GCN1: variants seen among roughly 807,000 people sequenced by gnomAD.
GCN1 encodes stalled ribosome sensor GCN1.
A neutral mutation model predicts 288.4 loss-of-function variants in GCN1; 90 were observed. The observed-to-expected ratio is 0.31, with a 90% CI of 0.26 to 0.37. GCN1 has a LOEUF of 0.37. Ranked by LOEUF, GCN1 falls within the 10% of genes least tolerant of loss-of-function variation. GCN1 has a pLI of 1.00. For missense variants in GCN1, 2,586 were observed against 3,419.9 expected (o/e 0.76, Z 6.08); for synonymous variants, 1,386 against 1,420.2 (o/e 0.98, Z 0.54).
intron 2 of GCN1, among the ~76,000 whole-genome samples, chr12:120,187,887 G>GAAAAAA (rs537567748): frequency 1.0e-5 from 1 of 99,612 alleles, no homozygotes; most frequent in African/African-American, 3.8e-5. Context: ...CAAAAGAAAT[G>GAAAAAA]AAAAAAAAAA....
In GCN1 at chr12:120,151,129, G is replaced by A. The variant is rs1161193929; in HGVS notation, c.4309+16C>T. 3 of 1,610,376 alleles carry A rather than the reference G, an allele frequency of 1.9e-6. No individual in the cohort carries two copies. Among genetic ancestry groups the A allele is most frequent in the Non-Finnish European group, 1.7e-6 (2 of 1,179,114 alleles). On this transcript the variant is annotated intron_variant, in intron 34 of 57. Coordinates refer to ENST00000300648, the MANE Select transcript of GCN1 (RefSeq NM_006836.2). The stretch of plus-strand genomic sequence containing the variant: ...AACTTCCCATGCTGGGCAGCCCCAA[G>A]CTCAGAGATGCTCACCCTCTCGCCG...
At chr12:120,141,113 C>T (rs1877177195) in intron 44 of GCN1, 90 bp from the exon 45 acceptor site, 2 of 1,087,036 alleles carry the variant, frequency 1.8e-6, no homozygotes, top group African/African-American at 1.6e-5. Flanking sequence ...CTGAAACCTC[C>T]CAGGCTTTAT....
At position 120,156,094 on chromosome 12, in the gene GCN1, C is replaced by G. The variant is rs186791449; in HGVS notation, c.3312+367G>C. Among the ~76,000 whole-genome samples the G allele has an allele frequency of 2.9e-4, 44 of 152,330 alleles. No homozygotes were observed. Among genetic ancestry groups the G allele is most frequent in the Admixed American group, 2.8e-3 (43 of 15,300 alleles). On this transcript the variant is annotated intron_variant, in intron 28 of 57. Coordinates refer to ENST00000300648, the MANE Select transcript of GCN1 (RefSeq NM_006836.2). The surrounding 1 kb of genome is among the most constrained non-coding windows in gnomAD (Gnocchi z 5.8). Reference sequence around the variant, plus strand: ...GCTGTGGATCAGCAGGTAGGAACCACTGTCTTACCACTACAAGGGGATGCT... The same window carrying G: ...GCTGTGGATCAGCAGGTAGGAACCAGTGTCTTACCACTACAAGGGGATGCT...
chr12:120,160,382 G>C, intron 22 of GCN1, 127 bp from the exon 23 acceptor site: 1 of 672,678 alleles, frequency 1.5e-6, no homozygotes, highest in Non-Finnish European at 2.6e-6. Context: ...TTGGGCCCCT[G>C]AACCCACCAT....
chr12:120,128,157 A>G (rs1417644864), intron 57 of GCN1, among the ~76,000 whole-genome samples, 183 bp from the exon 58 acceptor site: 1 of 152,142 alleles, frequency 6.6e-6, no homozygotes, highest in Non-Finnish European at 1.5e-5. Context: ...ATGCTTTTCT[A>G]TTTTTCCCTT....
At position 120,146,941 on chromosome 12, in the gene GCN1, T is replaced by C. The variant is rs1467160828; in HGVS notation, c.4947+111A>G. 1.2e-5 allele frequency: 7 copies of C among 582,486 alleles called. No individual in the cohort carries two copies. The East Asian group carries it at 2.2e-4, about 18-fold the overall frequency. The allele number at this position is 582,486 out of a possible 1,614,324, so 36.1% of individuals were successfully genotyped here. A position where few individuals can be genotyped will look rare whatever the true frequency, so the allele number is the denominator to read the frequency against. On this transcript the variant is annotated intron_variant, in intron 38 of 57. Transcript: ENST00000300648. The stretch of plus-strand genomic sequence containing the variant: ...GCTCATTTCTCCCCATAAAAATAAT[T>C]AGGGACTAACGTCCATAACTTTCCA...
At position 120,137,454 on chromosome 12, in the gene GCN1, G is replaced by T; in HGVS notation, c.6663+91C>A. ...GGGTAAACGCCGAAGCTGAGTGACA[G>T]GTACGTGGGGGATTCTTATAAGTCT... On this transcript the variant is annotated intron_variant, in intron 49 of 57. Transcript: ENST00000300648. The surrounding 1 kb of genome is among the most constrained non-coding windows in gnomAD (Gnocchi z 5.2). 6.9e-7 allele frequency: 1 copy of T among 1,453,636 alleles called. No individual in the cohort carries two copies. The highest frequency in any genetic ancestry group is 9.6e-7 in the Non-Finnish European group (1 of 1,043,872). The allele number at this position is 1,453,636 out of a possible 1,614,324, so 90.0% of individuals were successfully genotyped here.
chr12:120,143,321 G>A (rs963790236), intron 42 of GCN1, among the ~76,000 whole-genome samples: 1 of 152,202 alleles, frequency 6.6e-6, no homozygotes. Context: ...GGTGGCTCAC[G>A]CCTGTAATCT....
intron 38 of GCN1, among the ~76,000 whole-genome samples, chr12:120,146,128 A>G (rs987422933): frequency 1.3e-5 from 2 of 151,818 alleles, no homozygotes; most frequent in African/African-American, 4.8e-5. Flanking sequence ...TTAGCCAGGC[A>G]TGGTGGTGGG....
At chr12:120,131,076 T>G in intron 55 of GCN1, 109 bp downstream of exon 55, 1 of 954,356 alleles carries the variant, frequency 1.0e-6, no homozygotes, top group Non-Finnish European at 1.6e-6. Flanking sequence ...AAGGTAAAAT[T>G]AGACCCAAGC....
intron 16 of GCN1, among the ~76,000 whole-genome samples, chr12:120,164,980 C>T (rs1225397253): frequency 4.3e-5 from 6 of 139,012 alleles, no homozygotes; most frequent in African/African-American, 1.4e-4. Flanking sequence ...CATATATATA[C>T]ATATACATAT....
intron 1 of GCN1, among the ~76,000 whole-genome samples, chr12:120,193,397 C>G (rs1339386524): frequency 6.6e-5 from 10 of 152,086 alleles, no homozygotes; most frequent in Non-Finnish European, 1.2e-4. Flanking sequence ...CCTCTGCCTC[C>G]CAGGTTCAAG....
At chr12:120,184,356 T>C in intron 3 of GCN1, 113 bp from the exon 4 acceptor site, 1 of 853,098 alleles carries the variant, frequency 1.2e-6, no homozygotes, top group Non-Finnish European at 1.8e-6. Context: ...CACACCATAT[T>C]CCAGTGGATA....
At position 120,174,157 on chromosome 12, in the gene GCN1, A is replaced by C; in HGVS notation, c.1106T>G (p.Val369Gly). ...AGGTCCAGACACCACGTGATGACTG[A>C]CGCTCCCAATCCCTAAAAGGCAGAT... ...KMSVLSGIGSVSHHVVSGPSS... is the reference protein window; with the variant it reads ...KMSVLSGIGSGSHHVVSGPSS... Residue 369 changes from valine (V) to glycine (G), a missense_variant, in exon 13 of 58, where the codon GTC (valine) becomes GGC (glycine). Val to Gly is a moderately radical substitution (Grantham distance 109). Transcript: ENST00000300648. 6.3e-7 allele frequency: 1 copy of C among 1,590,740 alleles called. No individual in the cohort carries two copies. Among genetic ancestry groups the C allele is most frequent in the Non-Finnish European group, 8.6e-7 (1 of 1,158,682 alleles).
intron 57 of GCN1, among the ~76,000 whole-genome samples, chr12:120,128,189 C>T (rs1192232506): frequency 1.3e-5 from 2 of 152,328 alleles, no homozygotes; most frequent in East Asian, 1.9e-4. Context: ...CAGAGTCTCC[C>T]TATGTTGCCC....
At chr12:120,174,789 CAAAAAAAAA>C (rs1212428710) in intron 12 of GCN1, among the ~76,000 whole-genome samples, 1 of 30,402 alleles carries the variant, frequency 3.3e-5, no homozygotes, top group Non-Finnish European at 6.8e-5. Context: ...GACTCCATCT[CAAAAAAAAA>C]AAAAAAAAAA....
chr12:120,181,897 T>G (rs909127506), intron 5 of GCN1, among the ~76,000 whole-genome samples: 5 of 144,104 alleles, frequency 3.5e-5, no homozygotes, highest in African/African-American at 5.2e-5. Flanking sequence ...CTGTAATCCC[T>G]GCACTTTGGG....
chr12:120,132,962 A>C (rs955393952), intron 53 of GCN1, among the ~76,000 whole-genome samples: 2 of 152,218 alleles, frequency 1.3e-5, no homozygotes, highest in African/African-American at 2.4e-5. Flanking sequence ...CATCTATTTT[A>C]AGCTGCACTG....
chr12:120,177,557 T>C lies in GCN1; in HGVS notation c.730-2A>G. On this transcript the variant is annotated splice_acceptor_variant, in intron 8 of 57. Transcript: ENST00000300648. LOFTEE classifies it high-confidence loss of function. ...TCGGAGCAGAGGGGCACAGCTATCC[T>C]ACAAAGAAAAAGGAATAAGGCACCT... The C allele has an allele frequency of 1.2e-6, 2 of 1,603,324 alleles. No individual in the cohort carries two copies. The highest frequency in any genetic ancestry group is 1.7e-6 in the Non-Finnish European group (2 of 1,170,450).
Sources: gnomAD v4.1 joint callset for allele counts (sites outside exome capture counted in the v4.1 genomes callset) on GRCh38, gnomAD v4.1.1 for gene constraint, Gnocchi (gnomAD v3.1) non-coding constraint, MANE v1.5 for transcripts, NCBI Gene and HGNC (gene_info 2026-07-23, HGNC 2026-07-21) for gene names.